ZNF577: variants seen among roughly 807,000 people sequenced by gnomAD.
ZNF577 encodes the protein zinc finger protein 577.
ZNF577 carries 14 observed loss-of-function variants against 13.9 expected under a neutral mutation model. That is an observed-to-expected ratio of 1.00 (90% CI 0.66 to 1.57). The LOEUF is 1.57. ZNF577 is among the 40% of genes most tolerant of loss of function. ZNF577 has a pLI of 0.00. For synonymous variants in ZNF577, 203 were observed against 202.9 expected, an observed-to-expected ratio of 1.00 and a Z score of 0.00; for missense variants, 555 against 579.2, an observed-to-expected ratio of 0.96 and a Z score of 0.43.
chr19:51,857,223 C>A (rs574758223), intron 5 of ZNF577, among the ~76,000 whole-genome samples: 1 of 151,728 alleles, frequency 6.6e-6, no homozygotes, highest in Non-Finnish European at 1.5e-5. Context: ...CGCTTGAACC[C>A]GGGAGGCGGA....
chr19:51,815,433 G>A (rs575708001), intron 9 of ZNF577, among the ~76,000 whole-genome samples: 8 of 151,900 alleles, frequency 5.3e-5, no homozygotes, highest in South Asian at 2.1e-4. Context: ...GGTGATGTGC[G>A]CCTGTAGCCC....
intron 9 of ZNF577, among the ~76,000 whole-genome samples, chr19:51,834,734 A>T (rs2084279858): frequency 6.6e-6 from 1 of 152,162 alleles, no homozygotes; most frequent in Non-Finnish European, 1.5e-5. Flanking sequence ...CTCAAGCTGC[A>T]GTGAAGTGGC....
rs1435600197 is a variant in ZNF577 at position 51,824,469 on chromosome 19, C to T, written c.*600-12795G>A. ...CATGATTAAATCCAGCCGTCCCTTA[C>T]GTGTCTTCGCTGCTGTGGTGGCTTC... On this transcript the variant is annotated intron_variant and NMD_transcript_variant, in intron 9 of 10. Transcript: ENST00000638827. This position sits in a 1 kb window ranked among gnomAD's most constrained non-coding sequence, Gnocchi z 4.7. The T allele has an allele frequency of 1.9e-6, 3 of 1,613,946 alleles. No individual in the cohort carries two copies. The highest frequency in any genetic ancestry group is 2.5e-6 in the Non-Finnish European group (3 of 1,180,008).
In ZNF577 at chr19:51,853,011, A is replaced by G. The variant is rs1428948079; in HGVS notation, c.284-8080T>C. 2.0e-5 allele frequency among the ~76,000 whole-genome samples: 3 copies of G among 150,794 alleles called. No individual in the cohort carries two copies. In the East Asian group the frequency reaches 5.8e-4, roughly 29 times the overall value. ...CAGTGGCACAATCTTGGCTCACTGCAACCTCCGCCTCTGCCTTCGGGCTCA... is the reference window on the plus strand; with the variant it reads ...CAGTGGCACAATCTTGGCTCACTGCGACCTCCGCCTCTGCCTTCGGGCTCA... On this transcript the variant is annotated intron_variant and NMD_transcript_variant, in intron 5 of 10. Coordinates refer to the ZNF577 transcript ENST00000638827.
At chr19:51,844,705 A>C (rs758475824) in intron 6 of ZNF577, 2 of 152,174 alleles carry the variant, frequency 1.3e-5, no homozygotes, top group Non-Finnish European at 2.9e-5. Flanking sequence ...CTTTGATTAC[A>C]TATATGGTTA....
intron 9 of ZNF577, among the ~76,000 whole-genome samples, chr19:51,830,364 C>A (rs1028693527): frequency 6.6e-6 from 1 of 152,210 alleles, no homozygotes; most frequent in Non-Finnish European, 1.5e-5. Context: ...TCTCTGCTCT[C>A]CTTGACAGCA....
intron 10 of ZNF577, among the ~76,000 whole-genome samples, chr19:51,810,119 T>C (rs965590374): frequency 3.3e-5 from 5 of 152,204 alleles, no homozygotes; most frequent in South Asian, 2.1e-4. Flanking sequence ...TTCACAATTA[T>C]AACATTTTCC....
intron 9 of ZNF577, among the ~76,000 whole-genome samples, chr19:51,820,861 G>T (rs114221278): frequency 6.6e-6 from 1 of 152,178 alleles, no homozygotes; most frequent in Non-Finnish European, 1.5e-5. Flanking sequence ...AATATTCACC[G>T]TGTCTCAAGG....
rs138483582 is a variant in ZNF577 at position 51,828,929 on chromosome 19, G to A, written c.*599+10964C>T. 4.6e-3 allele frequency among the ~76,000 whole-genome samples: 698 copies of A among 152,222 alleles called. 3 individuals are homozygous for A. Among genetic ancestry groups the A allele is most frequent in the Admixed American group, 0.011 (174 of 15,290 alleles). On this transcript the variant is annotated intron_variant and NMD_transcript_variant, in intron 9 of 10. Coordinates refer to the ZNF577 transcript ENST00000638827. ...GGTTTCATTGTAATGAGGATGTTTC[G>A]CTATGAACAGTAGTCACTCTTTCTC...
At chr19:51,821,551 C>T (rs762441502) in intron 9 of ZNF577, among the ~76,000 whole-genome samples, 53 of 152,050 alleles carry the variant, frequency 3.5e-4, no homozygotes, top group Non-Finnish European at 1.0e-4. Context: ...AACAATGTCC[C>T]ATGAAAGACC....
intron 5 of ZNF577, among the ~76,000 whole-genome samples, chr19:51,857,430 A>AAAG (rs1568442307): frequency 6.4e-5 from 9 of 141,300 alleles, no homozygotes; most frequent in African/African-American, 2.4e-4. Flanking sequence ...AAGAAAGAAA[A>AAAG]GAAAAAACAA....
chr19:51,882,980 C>CT (rs1489151015), intron 1 of ZNF577, among the ~76,000 whole-genome samples: 1 of 147,566 alleles, frequency 6.8e-6, no homozygotes, highest in African/African-American at 2.5e-5. Flanking sequence ...TTTGTGTGGG[C>CT]TTTTTAAAAA....
intron 5 of ZNF577, among the ~76,000 whole-genome samples, chr19:51,857,370 GAAAGAAAGAAAGAAA>G (rs2084438538): frequency 1.7e-5 from 1 of 57,810 alleles, no homozygotes; most frequent in African/African-American, 7.9e-5. Flanking sequence ...AGGAAGGAAA[GAAAGAAAGAAAGAAA>G]GAAAGAAAGA....
chr19:51,822,172 A>C (rs1369014666), intron 9 of ZNF577, among the ~76,000 whole-genome samples: 2 of 152,194 alleles, frequency 1.3e-5, no homozygotes, highest in Non-Finnish European at 2.9e-5. Flanking sequence ...AGGGACTGTA[A>C]TTTTGTGATT....
In ZNF577 at chr19:51,873,313, T is replaced by C; in HGVS notation, c.677A>G (p.Lys226Arg). The C allele has an allele frequency of 5.0e-6, 8 of 1,614,198 alleles. No individual in the cohort carries two copies. Among genetic ancestry groups the C allele is most frequent in the Non-Finnish European group, 6.8e-6 (8 of 1,180,022 alleles). ...TCTCTGATGGACCATGAGCTGTGAC[T>C]TTCTGGAGAAGGCTTTTCCACATTC... The part of the protein sequence containing the change: ...CSECGKAFSR[K>R]SQLMVHQRTH... Residue 226 changes from lysine (K) to arginine (R), a missense_variant, in exon 6 of 6, where the codon AAG becomes AGG. Transcript: ENST00000638348.
At chr19:51,864,540 G>A (rs1177092481), downstream of ZNF577, among the ~76,000 whole-genome samples, 9 of 152,118 alleles carry the variant, frequency 5.9e-5, no homozygotes, top group Admixed American at 5.2e-4. Context: ...AATGGACATC[G>A]AAGCTTGAGT....
intron 3 of ZNF577, among the ~76,000 whole-genome samples, chr19:51,879,577 G>C (rs1429188632): frequency 6.6e-6 from 1 of 151,736 alleles, no homozygotes; most frequent in Non-Finnish European, 1.5e-5. Context: ...CTTGGGGGGA[G>C]AAAAAAAGTA....
chr19:51,838,768 T>C (rs986953596), intron 9 of ZNF577, among the ~76,000 whole-genome samples: 2 of 151,998 alleles, frequency 1.3e-5, no homozygotes, highest in African/African-American at 4.8e-5. Context: ...AAGTTTGGTA[T>C]AGATGGTAAA....
chr19:51,829,333 C>T (rs539596945), intron 9 of ZNF577, among the ~76,000 whole-genome samples: 6 of 152,234 alleles, frequency 3.9e-5, no homozygotes, highest in Non-Finnish European at 5.9e-5. Context: ...GGAGTCAACA[C>T]GTCTTGTGGG....
Sources: allele counts gnomAD v4.1 joint callset (sites outside exome capture counted in the v4.1 genomes callset), GRCh38; gene constraint gnomAD v4.1.1; non-coding constraint Gnocchi (gnomAD v3.1); transcripts MANE v1.5; gene names NCBI Gene and HGNC (gene_info 2026-07-23, HGNC 2026-07-21).